Variants in WDR4 observed in about 807,000 individuals in gnomAD.
WDR4 encodes the protein tRNA (guanine-N(7)-)-methyltransferase non-catalytic subunit WDR4.
WDR4 carries 47 observed loss-of-function variants against 48.6 expected under a neutral mutation model. That is an observed-to-expected ratio of 0.97 (90% CI 0.77 to 1.23). The LOEUF (loss-of-function observed/expected upper bound fraction) is 1.23. Among genes scored for constraint, WDR4 ranks in the 50% most tolerant of loss-of-function variants. The pLI, the probability that WDR4 is intolerant of heterozygous loss-of-function variation, is 0.00. For missense variants in WDR4, 606 were observed against 551.6 expected (o/e 1.10, Z -0.99); for synonymous variants, 268 against 230.0 (o/e 1.17, Z -1.49).
intron 5 of WDR4, among the ~76,000 whole-genome samples, chr21:42,861,880 G>A (rs528090778): frequency 4.1e-4 from 63 of 152,266 alleles, no homozygotes; most frequent in Admixed American, 2.4e-3. Context: ...GAGAGACGCC[G>A]CCACCTGGCT....
rs2058259097 is a variant in WDR4, at chr21:42,866,873, T to G, written c.297-3277A>C. Among the ~76,000 whole-genome samples the G allele has an allele frequency of 2.0e-5, 3 of 152,246 alleles. No individual in the cohort carries two copies. In the South Asian group the frequency reaches 6.2e-4, roughly 32 times the overall value. On this transcript the variant is annotated intron_variant, in intron 3 of 10. Transcript: ENST00000398208. ...GGAATTTGCCAAGAGATGTTGAAAG[T>G]GGCAGTAACTTCACAACTGTACCCA...
rs1032426951 is a variant in WDR4, at chr21:42,855,920, G to A, written c.628-140C>T. On this transcript the variant is annotated intron_variant, in intron 6 of 10. Coordinates refer to ENST00000398208, the MANE Select transcript of WDR4 (RefSeq NM_018669.6). ...CACCCTCAGGAATTAAAGGCTCTCTGCTCTGACTGTGTAAATCGCTCATGC... is the reference window on the plus strand; with the variant it reads ...CACCCTCAGGAATTAAAGGCTCTCTACTCTGACTGTGTAAATCGCTCATGC... The A allele has an allele frequency of 1.3e-5, 7 of 546,714 alleles. No individual in the cohort carries two copies. In the African/African-American group the frequency reaches 1.3e-4, roughly 10 times the overall value. The allele number at this position is 546,714 out of a possible 1,614,324, so 33.9% of individuals were successfully genotyped here.
At chr21:42,851,674 T>C (rs549356510) in intron 10 of WDR4, among the ~76,000 whole-genome samples, 1 of 152,048 alleles carries the variant, frequency 6.6e-6, no homozygotes, top group South Asian at 2.1e-4. Context: ...GGGTAGAAAA[T>C]GTTCGTCCAG....
chr21:42,887,314 T>TTTTTTTTTA, the WDR4 span, among the ~76,000 whole-genome samples: 1 of 147,306 alleles, frequency 6.8e-6, no homozygotes. Context: ...TTTTTTTTTT[T>TTTTTTTTTA]ATTTTATAAA....
intron 3 of WDR4, among the ~76,000 whole-genome samples, chr21:42,871,102 G>A (rs965933590): frequency 7.2e-5 from 11 of 152,120 alleles, no homozygotes; most frequent in African/African-American, 2.4e-4. Context: ...CAGGAAATGA[G>A]GACATAGACA....
At chr21:42,857,745 A>C (rs1240278591) in intron 6 of WDR4, among the ~76,000 whole-genome samples, 1 of 152,224 alleles carries the variant, frequency 6.6e-6, no homozygotes, top group African/African-American at 2.4e-5. Flanking sequence ...GCAATCTCCC[A>C]AGAAGTAAGA....
At chr21:42,859,584 A>AGCGATCCACAGGGGCCT in intron 6 of WDR4, 78 bp downstream of exon 6, 9 of 1,364,530 alleles carry the variant, frequency 6.6e-6, no homozygotes, top group Non-Finnish European at 9.2e-6. Context: ...CACAGGGGCC[A>AGCGATCCACAGGGGCCT]GGTCCAGGAG....
chr21:42,859,549 C>A, intron 6 of WDR4, 113 bp downstream of exon 6: 6 of 1,306,848 alleles, frequency 4.6e-6, no homozygotes, highest in South Asian at 2.7e-5. Flanking sequence ...AGTGGACAGC[C>A]ACAGCCAGCC....
rs763237608 is a variant in WDR4 at position 42,863,558 on chromosome 21, G to T, written c.335C>A (p.Ala112Asp). The part of the protein sequence containing the change: ...ARRCTALTFI[A>D]SEEKVLVADK... ...GGCCACCAAGACCTTCTCCTCCGAG[G>T]CTATGAAAGTCAGGGCTGTACACCT... Residue 112 changes from alanine to aspartate, a missense_variant, in exon 4 of 11, where the codon GCC (alanine) becomes GAC (aspartate). Physicochemically the swap from Ala to Asp is moderately radical, Grantham distance 126. Coordinates refer to ENST00000398208, the MANE Select transcript of WDR4 (RefSeq NM_018669.6). 1.9e-6 allele frequency: 3 copies of T among 1,613,756 alleles called. No homozygotes were observed. In the East Asian group the frequency reaches 6.7e-5, roughly 36 times the overall value.
intron 3 of WDR4, among the ~76,000 whole-genome samples, chr21:42,866,812 C>A (rs1437628695): frequency 5.3e-5 from 8 of 152,082 alleles, no homozygotes; most frequent in Non-Finnish European, 7.4e-5. Context: ...AGTTCACAAA[C>A]CCACAATTCT....
intron 8 of WDR4, 21 bp downstream of exon 8, chr21:42,854,541 A>G (rs943567107): frequency 7.5e-6 from 12 of 1,610,456 alleles, no homozygotes; most frequent in Non-Finnish European, 1.0e-5. Context: ...CGGAGGCCAT[A>G]GAGGTGCCGC....
intron 6 of WDR4, among the ~76,000 whole-genome samples, chr21:42,859,246 T>TA (rs890849721): frequency 1.9e-4 from 28 of 145,336 alleles, no homozygotes; most frequent in Admixed American, 3.5e-4. Context: ...CACCCCATCT[T>TA]AAAAAAAAAG....
Position 42,862,028 on chromosome 21 carries a change from A to T in WDR4, c.566+254T>A, listed in dbSNP as rs1239817750. Among the ~76,000 whole-genome samples the T allele has an allele frequency of 6.6e-6, 1 of 152,216 alleles. No homozygotes were observed. The highest frequency in any genetic ancestry group is 1.5e-5 in the Non-Finnish European group (1 of 68,040). On this transcript the variant is annotated intron_variant, in intron 5 of 10. Coordinates refer to ENST00000398208, the MANE Select transcript of WDR4 (RefSeq NM_018669.6). This position sits in a 1 kb window ranked among gnomAD's most constrained non-coding sequence, Gnocchi z 4.3. Reference sequence around the variant, plus strand: ...ACTGAGACAGGGGTTTCCCGGAAACAAGCCCTTCCTGTTCGGTCAGGCCCA... The same window carrying T: ...ACTGAGACAGGGGTTTCCCGGAAACTAGCCCTTCCTGTTCGGTCAGGCCCA...
At chr21:42,868,530 G>A (rs1391111907) in intron 3 of WDR4, among the ~76,000 whole-genome samples, 1 of 152,198 alleles carries the variant, frequency 6.6e-6, no homozygotes, top group African/African-American at 2.4e-5. Flanking sequence ...TGCAGGCAGT[G>A]GCTACTCCTC....
rs758311628 is a variant in WDR4 at position 42,879,521 on chromosome 21, A to C, written c.-26T>G. On this transcript the variant is annotated 5_prime_UTR_variant, in exon 1 of 11. Transcript: ENST00000398208. ...GTACCCGCCCGCCTCACCGCCATAC[A>C]CATGTGCCAGCCCAGAGCCTCTTCC... The C allele has an allele frequency of 3.7e-6, 6 of 1,611,278 alleles. No homozygotes were observed. Among genetic ancestry groups the C allele is most frequent in the African/African-American group, 1.3e-5 (1 of 74,798 alleles).
chr21:42,858,443 C>T (rs368410347), intron 6 of WDR4, among the ~76,000 whole-genome samples: 3 of 152,202 alleles, frequency 2.0e-5, no homozygotes, highest in South Asian at 2.1e-4. Flanking sequence ...TCCCAAGCTC[C>T]GAGGGAAACC....
the WDR4 span, among the ~76,000 whole-genome samples, chr21:42,890,291 C>T: frequency 4.6e-5 from 7 of 152,142 alleles, no homozygotes; most frequent in Non-Finnish European, 8.8e-5. Context: ...AATCCCAGCA[C>T]TTTAGGAGGC....
intron 9 of WDR4, 81 bp downstream of exon 9, chr21:42,853,488 C>T: frequency 5.4e-6 from 8 of 1,473,108 alleles, no homozygotes; most frequent in Middle Eastern, 2.5e-4. Flanking sequence ...CCCATGGACC[C>T]AAAAAACATA....
downstream of WDR4, among the ~76,000 whole-genome samples, chr21:42,846,425 G>A (rs2057711876): frequency 6.6e-6 from 1 of 152,240 alleles, no homozygotes; most frequent in Non-Finnish European, 1.5e-5. Context: ...GGGCGTGGGG[G>A]CTTCTCAGCA....
Sources: gnomAD v4.1 joint callset for allele counts (sites outside exome capture counted in the v4.1 genomes callset) on GRCh38, gnomAD v4.1.1 for gene constraint, Gnocchi (gnomAD v3.1) non-coding constraint, MANE v1.5 for transcripts, NCBI Gene and HGNC (gene_info 2026-07-23, HGNC 2026-07-21) for gene names.